KLHL1: variants seen among roughly 807,000 people sequenced by gnomAD.
The protein encoded by KLHL1 is kelch like family member 1.
KLHL1 carries 47 observed loss-of-function variants against 77.7 expected under a neutral mutation model. That is an observed-to-expected ratio of 0.60 (90% confidence interval 0.48 to 0.77). The LOEUF is 0.77. KLHL1 is among the 30% of genes least tolerant of loss of function. The probability of loss-of-function intolerance (pLI) is 0.00; values close to 1 mark genes in which losing one functional copy is unlikely to be tolerated. For missense variants in KLHL1, 925 were observed against 910.8 expected (o/e 1.02, Z -0.20); for synonymous variants, 360 against 325.2 (o/e 1.11, Z -1.15).
intron 6 of KLHL1, among the ~76,000 whole-genome samples, chr13:69,813,833 T>G (rs556558461): frequency 7.2e-5 from 11 of 152,200 alleles, no homozygotes; most frequent in Non-Finnish European, 1.3e-4. Flanking sequence ...CAAAGCAATC[T>G]ACAGATTTAA....
chr13:70,090,979 TTC>T (rs1272426434), intron 1 of KLHL1, among the ~76,000 whole-genome samples: 1 of 152,204 alleles, frequency 6.6e-6, no homozygotes, highest in African/African-American at 2.4e-5. Flanking sequence ...ACTTCTTCCT[TTC>T]TCTCTCTTTC....
At chr13:69,886,254 A>T (rs1027975082) in intron 4 of KLHL1, among the ~76,000 whole-genome samples, 3 of 152,180 alleles carry the variant, frequency 2.0e-5, no homozygotes, top group Non-Finnish European at 4.4e-5. Context: ...ATAAGACAGG[A>T]TAGCTACAAA....
chr13:69,727,348 A>T (rs2137907751), intron 8 of KLHL1, among the ~76,000 whole-genome samples: 1 of 152,284 alleles, frequency 6.6e-6, no homozygotes, highest in Non-Finnish European at 1.5e-5. Context: ...TTTCAAATGT[A>T]TTCAAAGACC....
At chr13:69,860,191 G>A (rs1334382365) in intron 5 of KLHL1, among the ~76,000 whole-genome samples, 2 of 152,074 alleles carry the variant, frequency 1.3e-5, no homozygotes, top group East Asian at 3.9e-4. Flanking sequence ...TACTACACTA[G>A]GTACAATTGA....
intron 1 of KLHL1, among the ~76,000 whole-genome samples, chr13:70,048,854 G>A (rs1047349229): frequency 2.0e-5 from 3 of 152,150 alleles, no homozygotes; most frequent in Admixed American, 6.5e-5. Flanking sequence ...TGTGGGCTGC[G>A]GGTTGGGGAC....
At chr13:69,722,543 T>C (rs1873112993) in intron 8 of KLHL1, among the ~76,000 whole-genome samples, 1 of 151,910 alleles carries the variant, frequency 6.6e-6, no homozygotes, top group Non-Finnish European at 1.5e-5. Context: ...AACAGATATA[T>C]GAATAAATTC....
intron 4 of KLHL1, among the ~76,000 whole-genome samples, chr13:69,909,601 T>C (rs1882167642): frequency 6.6e-6 from 1 of 152,028 alleles, no homozygotes; most frequent in Admixed American, 6.6e-5. Context: ...TTTTCAATAA[T>C]TTAACACATA....
intron 6 of KLHL1, among the ~76,000 whole-genome samples, chr13:69,834,293 T>G (rs1003638753): frequency 2.0e-5 from 3 of 149,470 alleles, no homozygotes; most frequent in African/African-American, 7.6e-5. Flanking sequence ...TACAATTAGT[T>G]AAATATATAT....
chr13:70,027,135 A>G (rs1167451868), intron 1 of KLHL1, among the ~76,000 whole-genome samples: 39 of 152,160 alleles, frequency 2.6e-4, no homozygotes, highest in Non-Finnish European at 4.4e-5. Context: ...AGAATGATTT[A>G]GGATTTTTAA....
At chr13:69,940,495 T>C (rs1883331461) in intron 3 of KLHL1, among the ~76,000 whole-genome samples, 1 of 152,122 alleles carries the variant, frequency 6.6e-6, no homozygotes, top group Non-Finnish European at 1.5e-5. Flanking sequence ...GCAGAAATGA[T>C]AGTTCTTCCT....
intron 4 of KLHL1, among the ~76,000 whole-genome samples, chr13:69,896,869 C>T (rs1356281760): frequency 6.6e-6 from 1 of 151,878 alleles, no homozygotes; most frequent in African/African-American, 2.4e-5. Context: ...AACGGGGTTT[C>T]ACCATATTGG....
chr13:69,978,990 T>C (rs1272295630), intron 1 of KLHL1, among the ~76,000 whole-genome samples: 2 of 152,036 alleles, frequency 1.3e-5, no homozygotes, highest in East Asian at 1.9e-4. Flanking sequence ...CTGGGGGTCA[T>C]AGTATTTGAA....
chr13:70,071,203 A>T (rs1304112944), intron 1 of KLHL1, among the ~76,000 whole-genome samples: 1 of 152,134 alleles, frequency 6.6e-6, no homozygotes, highest in Non-Finnish European at 1.5e-5. Flanking sequence ...ACGGGGAAAG[A>T]TATACCAGGC....
At chr13:69,795,602 C>A (rs1333721897) in intron 7 of KLHL1, among the ~76,000 whole-genome samples, 2 of 152,120 alleles carry the variant, frequency 1.3e-5, no homozygotes, top group Admixed American at 6.6e-5. Context: ...TAGGACTTTA[C>A]AATTTACAAA....
intron 1 of KLHL1, among the ~76,000 whole-genome samples, chr13:70,023,501 C>A (rs550747374): frequency 9.2e-5 from 14 of 151,882 alleles, no homozygotes; most frequent in Non-Finnish European, 1.8e-4. Flanking sequence ...TAAGTTCATA[C>A]TCACATTTTT....
At chr13:69,959,809 A>G (rs1884009099) in intron 3 of KLHL1, among the ~76,000 whole-genome samples, 1 of 151,992 alleles carries the variant, frequency 6.6e-6, no homozygotes, top group Non-Finnish European at 1.5e-5. Flanking sequence ...TCCTCTCGCA[A>G]AGATGAGAAA....
intron 1 of KLHL1, among the ~76,000 whole-genome samples, chr13:70,013,710 A>G (rs1885591560): frequency 6.6e-6 from 1 of 152,166 alleles, no homozygotes; most frequent in African/African-American, 2.4e-5. Context: ...GAGCTGTTCA[A>G]AAACAAATTT....
intron 1 of KLHL1, among the ~76,000 whole-genome samples, chr13:70,070,866 A>G (rs1887121773): frequency 6.6e-6 from 1 of 152,048 alleles, no homozygotes; most frequent in African/African-American, 2.4e-5. Context: ...TGAATTACTT[A>G]TAAATGTAAA....
intron 1 of KLHL1, 129 bp from the exon 2 acceptor site, chr13:69,975,931 A>G (rs976578605): frequency 2.5e-6 from 3 of 1,185,444 alleles, no homozygotes; most frequent in Non-Finnish European, 3.3e-6. Flanking sequence ...GTTTATTTTT[A>G]TATTTTAATA....
Sources: gnomAD v4.1 joint callset for allele counts (sites outside exome capture counted in the v4.1 genomes callset) on GRCh38, gnomAD v4.1.1 for gene constraint, MANE v1.5 for transcripts, NCBI Gene and HGNC (gene_info 2026-07-23, HGNC 2026-07-21) for gene names.